NOS1: variants seen among roughly 807,000 people sequenced by gnomAD.
NOS1 encodes the protein NOS type I.
Under a neutral mutation model 164.5 loss-of-function variants are expected in NOS1, and 51 were observed. That is an observed-to-expected ratio of 0.31 (90% CI 0.25 to 0.39). NOS1 has a LOEUF of 0.39. Ranked by LOEUF, NOS1 falls within the 10% of genes least tolerant of loss-of-function variation. NOS1 has a pLI of 1.00. For missense variants in NOS1, 1,362 were observed against 1,885.6 expected (o/e 0.72, Z 5.14); for synonymous variants, 719 against 745.8 (o/e 0.96, Z 0.59).
chr12:117,343,451 AT>A (rs2136086599), intron 1 of NOS1, among the ~76,000 whole-genome samples: 1 of 152,360 alleles, frequency 6.6e-6, no homozygotes, highest in Non-Finnish European at 1.5e-5. Context: ...GCTACAAAAA[AT>A]ATGCTCAATT....
intron 16 of NOS1, chr12:117,255,824 G>C (rs910160100): frequency 1.5e-5 from 8 of 548,006 alleles, no homozygotes; most frequent in South Asian, 6.1e-5. Context: ...ACACAGCTCA[G>C]GTTAGAACTC....
chr12:117,267,280 G>A (rs1451355267), intron 11 of NOS1, among the ~76,000 whole-genome samples: 2 of 152,082 alleles, frequency 1.3e-5, no homozygotes, highest in Non-Finnish European at 2.9e-5. Context: ...TACTAGTGTC[G>A]CCCTCTGGCT....
chr12:117,270,846 G>A (rs1872740115), intron 10 of NOS1, among the ~76,000 whole-genome samples: 1 of 152,018 alleles, frequency 6.6e-6, no homozygotes, highest in South Asian at 2.1e-4. Context: ...GACTAGCCTG[G>A]CCAACATGGT....
chr12:117,324,812 T>C lies in NOS1; in HGVS notation c.725+5533A>G, dbSNP rs74926088. 4.7e-3 allele frequency among the ~76,000 whole-genome samples: 716 copies of C among 152,246 alleles called. 44 individuals are homozygous for C. In the East Asian group the frequency reaches 0.12, roughly 26 times the overall value. The stretch of plus-strand genomic sequence containing the variant: ...TCTGCCTTCCCCAAACCCCCTCGTA[T>C]TGCTGCCACTGCCTGCTGGAGCCAC... On this transcript the variant is annotated intron_variant, in intron 2 of 28. Transcript: ENST00000317775.
chr12:117,361,128 T>G (rs1877126158), intron 1 of NOS1, among the ~76,000 whole-genome samples: 1 of 152,046 alleles, frequency 6.6e-6, no homozygotes, highest in Admixed American at 6.5e-5. Flanking sequence ...GGAACTCACC[T>G]GACGCCGAGC....
intron 1 of NOS1, among the ~76,000 whole-genome samples, chr12:117,355,676 A>G (rs1026862921): frequency 7.2e-5 from 11 of 152,336 alleles, no homozygotes; most frequent in Admixed American, 6.5e-4. Context: ...TTCACAGATA[A>G]GAAAACAGAG....
rs1469680045 is a variant in NOS1 at position 117,272,478 on chromosome 12, C to T, written c.1746G>A (p.Leu582=). ...VSNMLLEIGG[L]EFSACPFSGW... ...CACTGAAGGGACAGGCGCTGAACTC[C>T]AGGCCGCCAATCTCTAGGAGCATGT... The change falls in exon 10 of 29, where the codon CTG becomes CTA. Residue 582 remains leucine, a synonymous_variant. Transcript: ENST00000317775. This position sits in a 1 kb window ranked among gnomAD's most constrained non-coding sequence, Gnocchi z 4.3. 6.2e-7 allele frequency: 1 copy of T among 1,614,064 alleles called. No individual in the cohort carries two copies. The highest frequency in any genetic ancestry group is 1.3e-5 in the African/African-American group (1 of 74,930).
intron 3 of NOS1, among the ~76,000 whole-genome samples, chr12:117,296,529 C>T (rs1234127639): frequency 6.6e-6 from 1 of 152,238 alleles, no homozygotes; most frequent in Non-Finnish European, 1.5e-5. Flanking sequence ...GCTTCCTGCG[C>T]TTGAACATTG....
intron 1 of NOS1, among the ~76,000 whole-genome samples, chr12:117,344,597 C>T (rs759433362): frequency 6.6e-5 from 10 of 152,180 alleles, no homozygotes; most frequent in Non-Finnish European, 1.3e-4. Context: ...CTGAACTCAA[C>T]GTCTTTGCTT....
In NOS1 at chr12:117,215,190, C is replaced by A. The variant is rs776435115; in HGVS notation, c.*119G>T. The A allele has an allele frequency of 2.5e-5, 34 of 1,342,284 alleles. No individual in the cohort carries two copies. The highest frequency in any genetic ancestry group is 3.2e-5 in the Non-Finnish European group (33 of 1,036,664). The allele number at this position is 1,342,284 out of a possible 1,614,324, so 83.1% of individuals were successfully genotyped here. A position where few individuals can be genotyped will look rare whatever the true frequency, so the allele number is the denominator to read the frequency against. On this transcript the variant is annotated 3_prime_UTR_variant, in exon 29 of 29. Transcript: ENST00000317775. ...GGGCGAGAAGCCCGAGGAGGGAAAC[C>A]AGGGCACAGCGACAAGGACAGGAGG...
chr12:117,316,967 G>A (rs983859376), intron 2 of NOS1, among the ~76,000 whole-genome samples: 31 of 152,174 alleles, frequency 2.0e-4, no homozygotes, highest in Admixed American at 1.4e-3. Context: ...TGTGACCTCC[G>A]CCTCCTGGGT....
Position 117,288,141 on chromosome 12 carries a change from G to A in NOS1, c.1060C>T (p.Arg354Cys), listed in dbSNP as rs773542050. The stretch of plus-strand genomic sequence containing the variant: ...AGAGGGAAGAGCTGTCCTTTTGTGC[G>A]GACGTCTTCAGGCCTCCTTGCATGC... ...SQHARRPEDV[R>C]TKGQLFPLAK... Residue 354 changes from arginine (R) to cysteine (C), a missense_variant, in exon 5 of 29, where the codon CGC becomes TGC. By Grantham distance (180) the Arg-to-Cys change is radical (BLOSUM62 -3). Coordinates refer to ENST00000317775, the MANE Select transcript of NOS1 (RefSeq NM_000620.5). 161 of 1,613,984 alleles carry A rather than the reference G, an allele frequency of 1.0e-4. No individual in the cohort carries two copies. The highest frequency in any genetic ancestry group is 1.1e-4 in the Non-Finnish European group (132 of 1,180,012).
rs140677480 is a variant in NOS1, at chr12:117,243,722, A to C, written c.2824-287T>G. On this transcript the variant is annotated intron_variant, in intron 18 of 28. Transcript: ENST00000317775. This position sits in a 1 kb window ranked among gnomAD's most constrained non-coding sequence, Gnocchi z 4.3. ...CATCTACCCTTCCACCCTCCCATCC[A>C]TGTATCTATCTTTCCATCCATCCAT... Among the ~76,000 whole-genome samples, 7 of 151,002 alleles carry C rather than the reference A, an allele frequency of 4.6e-5. No individual in the cohort carries two copies. The highest frequency in any genetic ancestry group is 5.9e-5 in the Non-Finnish European group (4 of 67,752).
In NOS1 at chr12:117,260,845, G is replaced by T. The variant is rs144928947; in HGVS notation, c.2223-236C>A. On this transcript the variant is annotated intron_variant, in intron 13 of 28. Coordinates refer to ENST00000317775, the MANE Select transcript of NOS1 (RefSeq NM_000620.5). ...TATTTTATTTTTTAACTTCTCTAGA[G>T]ATAATGCTGGATATTAAATCCTTTA... Among the ~76,000 whole-genome samples, 178 of 151,974 alleles carry T rather than the reference G, an allele frequency of 1.2e-3. 1 individual carries two copies. The highest frequency in any genetic ancestry group is 4.1e-3 in the African/African-American group (171 of 41,428).
intron 13 of NOS1, among the ~76,000 whole-genome samples, chr12:117,262,974 T>G (rs1872063626): frequency 6.6e-6 from 1 of 152,098 alleles, no homozygotes. Flanking sequence ...CAGGAAGCCC[T>G]CCCTGACCTC....
At chr12:117,237,841 T>C (rs981498207) in intron 20 of NOS1, among the ~76,000 whole-genome samples, 1 of 152,142 alleles carries the variant, frequency 6.6e-6, no homozygotes, top group African/African-American at 2.4e-5. Flanking sequence ...AAGTGCCCTA[T>C]TCTCATTGAG....
At chr12:117,251,107 G>A (rs1871070417) in intron 17 of NOS1, among the ~76,000 whole-genome samples, 1 of 152,172 alleles carries the variant, frequency 6.6e-6, no homozygotes, top group East Asian at 1.9e-4. Context: ...GCCTCTTAAG[G>A]GGCTGAAGAG....
chr12:117,359,879 TATATATATATATATATATATATATATATA>T lies in NOS1; in HGVS notation c.-421+1604_-421+1632del, dbSNP rs1566090821. On this transcript the variant is annotated intron_variant, in intron 1 of 28. Coordinates refer to ENST00000317775, the MANE Select transcript of NOS1 (RefSeq NM_000620.5). ...CCAGAGCATTACAATAATGGTTTTA[TATATATATATATATATATATATATATATA>T]TATATATATATATATATATATATAT... is the stretch of plus-strand genomic sequence containing the variant. Among the ~76,000 whole-genome samples, 102 of 24,092 alleles carry T rather than the reference TATATATATATATATATATATATATATATA, an allele frequency of 4.2e-3. 4 individuals are homozygous for T. The highest frequency in any genetic ancestry group is 9.7e-3 in the African/African-American group (98 of 10,058). The allele number at this position is 24,092 out of a possible 152,430, so 15.8% of individuals were successfully genotyped here.
Position 117,234,700 on chromosome 12 carries a change from G to T in NOS1, c.3100C>A (p.Pro1034Thr). 2 of 1,614,146 alleles carry T rather than the reference G, an allele frequency of 1.2e-6. No individual in the cohort carries two copies. Residue 1034 changes from proline (P) to threonine (T), a missense_variant, in exon 21 of 29, where the codon CCT becomes ACT. Pro to Thr is a conservative substitution (Grantham distance 38, BLOSUM62 -1). Around this residue, in one of 4 missense-constraint regions of NOS1, gnomAD observed 737 missense variants for 1,030.3 expected, o/e 0.72. Transcript: ENST00000317775. The surrounding 1 kb of genome is among the most constrained non-coding windows in gnomAD (Gnocchi z 4.3). ...GGGAAGACACCCAGGTGGTCCCCAG[G>T]CTGGTACTGCAGCTCCTGGCTCCCG... Reference protein sequence around the residue: ...TNGSQELQYQPGDHLGVFPGN... With the variant: ...TNGSQELQYQTGDHLGVFPGN...
Sources: allele counts gnomAD v4.1 joint callset (sites outside exome capture counted in the v4.1 genomes callset), GRCh38; gene constraint gnomAD v4.1.1; regional missense constraint gnomAD v4.1.1; non-coding constraint Gnocchi (gnomAD v3.1); transcripts MANE v1.5; gene names NCBI Gene and HGNC (gene_info 2026-07-23, HGNC 2026-07-21).